The following LPAR6 variants were observed in gnomAD, a reference collection of about 807,000 sequenced individuals.
The protein encoded by LPAR6 is G-protein coupled purinergic receptor P2Y5.
LPAR6 carries 17 observed loss-of-function variants against 22.0 expected under a neutral mutation model. The ratio of observed to expected loss-of-function variants is 0.77; its 90% CI spans 0.53 to 1.16. LPAR6 has a LOEUF of 1.16. LPAR6 is among the 50% of genes most tolerant of loss of function. LPAR6 has a pLI of 0.00. For synonymous variants in LPAR6, 136 were observed against 139.8 expected (o/e 0.97, Z 0.19); for missense variants, 384 against 406.9 (o/e 0.94, Z 0.48).
intron 1 of LPAR6, among the ~76,000 whole-genome samples, chr13:48,423,167 G>C (rs1949031255): frequency 6.6e-6 from 1 of 152,158 alleles, no homozygotes; most frequent in Non-Finnish European, 1.5e-5. Flanking sequence ...ATGAAATATA[G>C]TGAATTTCAT....
Position 48,411,433 on chromosome 13 carries a change from G to A in LPAR6, c.991C>T (p.Gln331Ter). The A allele has an allele frequency of 6.2e-7, 1 of 1,613,178 alleles. No homozygotes were observed. Among genetic ancestry groups the A allele is most frequent in the South Asian group, 1.1e-5 (1 of 91,052 alleles). The change falls in exon 1 of 1, where the codon CAG becomes TAG. Residue 331 changes from glutamine to a stop codon, truncating the protein, a stop_gained. Transcript: ENST00000620633. LOFTEE classifies it high-confidence loss of function. The part of the protein sequence containing the change: ...GAENFIQHNL[Q>*]TLKSKIFDNE... ...TCAAATATCTTACTTTTTAAGGTCT[G>A]TAGGTTATGCTGAATAAAATTCTCT...
At chr13:48,439,026 C>A (rs1032129109) in intron 1 of LPAR6, among the ~76,000 whole-genome samples, 2 of 152,018 alleles carry the variant, frequency 1.3e-5, no homozygotes, top group Non-Finnish European at 2.9e-5. Context: ...AAACAGCAAC[C>A]TAGAAACATG....
chr13:48,431,228 T>G (rs374769061), upstream of LPAR6, among the ~76,000 whole-genome samples: 9 of 152,286 alleles, frequency 5.9e-5, no homozygotes, highest in East Asian at 1.7e-3. Flanking sequence ...GGTTCTCAGT[T>G]TTAGGTACCC....
At chr13:48,441,701 G>C (rs198567) in intron 1 of LPAR6, among the ~76,000 whole-genome samples, 138,036 of 152,216 alleles carry the variant, frequency 0.91, 63,589 homozygotes, top group East Asian at 1. Flanking sequence ...TAACAAAAAA[G>C]TTTAGCACTA....
chr13:48,412,342 A>G lies in LPAR6; in HGVS notation c.82T>C (p.Phe28Leu). 2 of 1,613,670 alleles carry G rather than the reference A, an allele frequency of 1.2e-6. No individual in the cohort carries two copies. Among genetic ancestry groups the G allele is most frequent in the South Asian group, 1.1e-5 (1 of 91,068 alleles). The change falls in exon 1 of 1, where the codon TTT (phenylalanine) becomes CTT (leucine). Residue 28 changes from phenylalanine to leucine, a missense_variant. Phe to Leu is a conservative substitution (Grantham distance 22, BLOSUM62 0). Coordinates refer to ENST00000620633, the MANE Select transcript of LPAR6 (RefSeq NM_001162498.3). ...TLYGCMFSMV[F>L]VLGLISNCVA... ...CAATTGGATATTAACCCAAGCACAA[A>G]CACCATGCTGAACATGCACCCATAC... is the stretch of plus-strand genomic sequence containing the variant.
At chr13:48,425,589 G>A (rs532340183) in intron 1 of LPAR6, among the ~76,000 whole-genome samples, 20 of 152,092 alleles carry the variant, frequency 1.3e-4, no homozygotes, top group Non-Finnish European at 2.5e-4. Flanking sequence ...ATTAATGTGC[G>A]TCTCCTGAGC....
upstream of LPAR6, among the ~76,000 whole-genome samples, chr13:48,414,150 G>A (rs1316170486): frequency 2.6e-5 from 4 of 151,938 alleles, no homozygotes; most frequent in African/African-American, 9.7e-5. Context: ...GAGTTTGAGA[G>A]CAGCCTGGCC....
chr13:48,396,309 A>G (rs1329801242), intron 1 of LPAR6, among the ~76,000 whole-genome samples: 3 of 152,030 alleles, frequency 2.0e-5, no homozygotes, highest in Admixed American at 6.6e-5. Context: ...AAATAAACCA[A>G]CGGAACAGAA....
intron 1 of LPAR6, among the ~76,000 whole-genome samples, chr13:48,439,343 A>C (rs1949214453): frequency 6.6e-6 from 1 of 152,250 alleles, no homozygotes; most frequent in Non-Finnish European, 1.5e-5. Flanking sequence ...TTATTAAATT[A>C]AGATAATCAT....
chr13:48,434,580 CTCTT>C (rs1455876769), intron 1 of LPAR6, among the ~76,000 whole-genome samples: 1 of 152,118 alleles, frequency 6.6e-6, no homozygotes, highest in Admixed American at 6.5e-5. Flanking sequence ...ACAGCCGAGA[CTCTT>C]TCTCAGCCCA....
In LPAR6 at chr13:48,412,399, A is replaced by T. The variant is rs766709339; in HGVS notation, c.25T>A (p.Cys9Ser). 6.2e-7 allele frequency: 1 copy of T among 1,614,018 alleles called. No individual in the cohort carries two copies. The highest frequency in any genetic ancestry group is 2.2e-5 in the East Asian group (1 of 44,864). MVSVNSSH[C>S]FYNDSFKYTL... ...TACTTAAAGGAGTCATTATAGAAGC[A>T]GTGGGAGCTGTTAACGCTTACCATC... Residue 9 changes from cysteine to serine, a missense_variant, in exon 1 of 1, where the codon TGC becomes AGC. Transcript: ENST00000620633.
At chr13:48,424,669 A>G (rs1432165719) in intron 1 of LPAR6, among the ~76,000 whole-genome samples, 3 of 152,014 alleles carry the variant, frequency 2.0e-5, no homozygotes, top group South Asian at 4.1e-4. Context: ...CGTCTTTTCT[A>G]TGGAGTCTCC....
chr13:48,417,331 G>A (rs537872585), upstream of LPAR6: 1 of 152,576 alleles, frequency 6.6e-6, no homozygotes, highest in African/African-American at 2.4e-5. Flanking sequence ...CTGCAGCAGA[G>A]GGGCCTGACT....
Position 48,411,598 on chromosome 13 carries a change from T to C in LPAR6, c.826A>G (p.Thr276Ala). The change falls in exon 1 of 1, where the codon ACT (threonine) becomes GCT (alanine). Residue 276 changes from threonine (T) to alanine (A), a missense_variant. Transcript: ENST00000620633. ...CAGTTGGAAACAGCAATACAGAGAG[T>C]GATTGGGTACATTGTCCTTACTGCT... is the stretch of plus-strand genomic sequence containing the variant. ...VAAVRTMYPI[T>A]LCIAVSNCCF... 6.2e-7 allele frequency: 1 copy of C among 1,612,404 alleles called. No homozygotes were observed. The highest frequency in any genetic ancestry group is 8.5e-7 in the Non-Finnish European group (1 of 1,178,618).
downstream of LPAR6, chr13:48,406,408 A>G (rs1198858990): frequency 6.6e-6 from 1 of 152,226 alleles, no homozygotes; most frequent in African/African-American, 2.4e-5. Flanking sequence ...AATAAAGGAA[A>G]AAGGACAAAT....
At chr13:48,437,501 C>T (rs1343707377) in intron 1 of LPAR6, among the ~76,000 whole-genome samples, 1 of 152,146 alleles carries the variant, frequency 6.6e-6, no homozygotes, top group Admixed American at 6.5e-5. Context: ...CTCATGTTTC[C>T]TCATGAGAGA....
chr13:48,403,136 G>A (rs1467583264), intron 1 of LPAR6, among the ~76,000 whole-genome samples: 1 of 152,114 alleles, frequency 6.6e-6, no homozygotes. Flanking sequence ...AAGATCTCCT[G>A]TGTTTTGATG....
At chr13:48,432,429 T>G (rs923165863) in intron 1 of LPAR6, among the ~76,000 whole-genome samples, 4 of 150,210 alleles carry the variant, frequency 2.7e-5, no homozygotes, top group South Asian at 2.1e-4. Flanking sequence ...GTTTTTTTGT[T>G]TTTTTTTTTG....
intron 1 of LPAR6, among the ~76,000 whole-genome samples, chr13:48,396,649 G>A (rs1260413883): frequency 2.0e-5 from 3 of 152,158 alleles, no homozygotes; most frequent in Admixed American, 6.5e-5. Context: ...TGACGAATGG[G>A]ATCTAATTAA....
Sources: gnomAD v4.1 joint callset for allele counts (sites outside exome capture counted in the v4.1 genomes callset) on GRCh38, gnomAD v4.1.1 for gene constraint, MANE v1.5 for transcripts, NCBI Gene and HGNC (gene_info 2026-07-23, HGNC 2026-07-21) for gene names.